SCUBE2: variants seen among roughly 807,000 people sequenced by gnomAD.
SCUBE2 encodes the protein signal peptide, CUB and EGF-like domain-containing protein 2.
In SCUBE2, 114 loss-of-function variants were observed where a neutral mutation model predicts 125.9. The ratio of observed to expected loss-of-function variants is 0.91; its 90% CI spans 0.78 to 1.06. The LOEUF (loss-of-function observed/expected upper bound fraction) is 1.06, where lower values mean the gene tolerates loss of function less well. Ranked by LOEUF, SCUBE2 falls within the 50% of genes least tolerant of loss-of-function variation. SCUBE2 has a pLI of 0.00. For synonymous variants in SCUBE2, 459 were observed against 492.9 expected (o/e 0.93, Z 0.91); for missense variants, 1,255 against 1,301.8 (o/e 0.96, Z 0.55).
At chr11:9,046,406 T>C (rs1722442069) in intron 16 of SCUBE2, among the ~76,000 whole-genome samples, 1 of 152,144 alleles carries the variant, frequency 6.6e-6, no homozygotes, top group African/African-American at 2.4e-5. Flanking sequence ...ATACCCATGG[T>C]AGTATTAGTG....
rs375449503 is a variant in SCUBE2 at position 9,091,332 on chromosome 11, G to T, written c.133+64C>A. The T allele has an allele frequency of 2.6e-5, 30 of 1,171,866 alleles. No individual in the cohort carries two copies. The highest frequency in any genetic ancestry group is 2.4e-4 in the East Asian group (7 of 29,060). 72.6% of individuals were successfully genotyped at this position (1,171,866 alleles called of 1,614,324 possible). A position where few individuals can be genotyped will look rare whatever the true frequency, so the allele number is the denominator to read the frequency against. ...GCGCCCGGCTCTGGACTCCGCCGGGGACCTAAACACTCTTCCTGGCCCTGC... is the reference window on the plus strand; with the variant it reads ...GCGCCCGGCTCTGGACTCCGCCGGGTACCTAAACACTCTTCCTGGCCCTGC... On this transcript the variant is annotated intron_variant, in intron 1 of 22. Coordinates refer to ENST00000649792, the MANE Select transcript of SCUBE2 (RefSeq NM_001367977.2). The surrounding 1 kb of genome is among the most constrained non-coding windows in gnomAD (Gnocchi z 8.5).
Position 9,053,074 on chromosome 11 carries a change from GCCCCGGGAACTGGGCC to G in SCUBE2, c.1447+9_1447+24del, listed in dbSNP as rs1858590526. On this transcript the variant is annotated intron_variant, in intron 12 of 22. Coordinates refer to ENST00000649792, the MANE Select transcript of SCUBE2 (RefSeq NM_001367977.2). ...AGGCCTGGCCCCAGTGTGAGGACCTGCCCCGGGAACTGGGCCCCACTCACCTGAAGAGAGGTGAATG... is the reference window on the plus strand; with the variant it reads ...AGGCCTGGCCCCAGTGTGAGGACCTGCCACTCACCTGAAGAGAGGTGAATG... 6.3e-7 allele frequency: 1 copy of G among 1,593,394 alleles called. No homozygotes were observed. The highest frequency in any genetic ancestry group is 1.7e-5 in the Admixed American group (1 of 59,948).
chr11:9,044,042 TATTC>T (rs1857479432), intron 16 of SCUBE2, among the ~76,000 whole-genome samples: 1 of 152,334 alleles, frequency 6.6e-6, no homozygotes, highest in African/African-American at 2.4e-5. Flanking sequence ...CAAAGAATGA[TATTC>T]ATTGAGCACT....
chr11:9,060,368 A>G (rs1433033331), intron 8 of SCUBE2, 40 bp downstream of exon 8: 21 of 1,511,338 alleles, frequency 1.4e-5, no homozygotes, highest in Non-Finnish European at 1.9e-5. Context: ...CCCTCCCTCC[A>G]TAACAGGGCA....
intron 17 of SCUBE2, chr11:9,031,132 A>G (rs551960490): frequency 2.0e-6 from 1 of 512,596 alleles, no homozygotes; most frequent in East Asian, 3.2e-5. Context: ...ACAGGGCTAC[A>G]CAGCACAGTG....
intron 16 of SCUBE2, among the ~76,000 whole-genome samples, chr11:9,045,040 C>T (rs10840162): frequency 0.13 from 19,092 of 152,146 alleles, 1,220 homozygotes; most frequent in Middle Eastern, 0.17. Context: ...AGTATCTTTC[C>T]TCGTTTATTG....
At position 9,021,860 on chromosome 11, in the gene SCUBE2, T is replaced by A; in HGVS notation, c.2934+16A>T. ...TCTGTGGATAACTGCCATGTCCACC[T>A]GAGCCAGGCACTCACCTTAAGTATT... On this transcript the variant is annotated intron_variant, in intron 22 of 22. Coordinates refer to ENST00000649792, the MANE Select transcript of SCUBE2 (RefSeq NM_001367977.2). 6.3e-7 allele frequency: 1 copy of A among 1,599,990 alleles called. No individual in the cohort carries two copies. The highest frequency in any genetic ancestry group is 2.2e-5 in the East Asian group (1 of 44,820).
At chr11:9,050,518 CT>C in intron 14 of SCUBE2, 87 bp downstream of exon 14, 1 of 990,728 alleles carries the variant, frequency 1.0e-6, no homozygotes, top group Non-Finnish European at 1.6e-6. Context: ...TGGACAGCCC[CT>C]GGCCCCCATG....
intron 2 of SCUBE2, among the ~76,000 whole-genome samples, chr11:9,087,294 G>A (rs1317235443): frequency 6.6e-6 from 1 of 152,212 alleles, no homozygotes; most frequent in East Asian, 1.9e-4. Flanking sequence ...AATAAAGTCA[G>A]TGGAATGGTT....
intron 16 of SCUBE2, among the ~76,000 whole-genome samples, chr11:9,038,870 T>TTTTTCTTTTCTTTTC (rs145817950): frequency 6.3e-4 from 96 of 151,286 alleles, no homozygotes; most frequent in African/African-American, 9.7e-4. Flanking sequence ...CTGATTTATG[T>TTTTTCTTTTCTTTTC]TTTTCTTTTC....
Position 9,053,175 on chromosome 11 carries a change from C to T in SCUBE2, c.1371G>A (p.Val457=). Residue 457 remains valine (V), a synonymous_variant, in exon 12 of 23, where the codon GTG becomes GTA. Coordinates refer to ENST00000649792, the MANE Select transcript of SCUBE2 (RefSeq NM_001367977.2). ...CACCACTCTTACCGCAGTGCAGGGA[C>T]ACACGGGGTGACACACTTGTGGGCA... The part of the protein sequence containing the change: ...GLLPTSVSPR[V]SLHCGKSGGG... 1 of 1,614,210 alleles carries T rather than the reference C, an allele frequency of 6.2e-7. No homozygotes were observed. The highest frequency in any genetic ancestry group is 8.5e-7 in the Non-Finnish European group (1 of 1,180,030).
In SCUBE2 at chr11:9,030,018, T is replaced by C; in HGVS notation, c.2369A>G (p.Asn790Ser). ...ACGAATACATCGGTGAGTGGTGGTG[T>C]TGTAGAAATGTCCAGGTGAACATTG... is the stretch of plus-strand genomic sequence containing the variant. ...RVQCSPGHFYNTTTHRCIRCP... is the reference protein window; with the variant it reads ...RVQCSPGHFYSTTTHRCIRCP... The change falls in exon 19 of 23, where the codon AAC becomes AGC. Residue 790 changes from asparagine to serine, a missense_variant. Asn to Ser is a conservative substitution (Grantham distance 46). This residue lies in a region of SCUBE2 where 515 missense variants were observed against 515.7 expected (regional missense o/e 1.00). Coordinates refer to ENST00000649792, the MANE Select transcript of SCUBE2 (RefSeq NM_001367977.2). 6.2e-7 allele frequency: 1 copy of C among 1,614,200 alleles called. No individual in the cohort carries two copies. The highest frequency in any genetic ancestry group is 8.5e-7 in the Non-Finnish European group (1 of 1,180,036).
intron 13 of SCUBE2, among the ~76,000 whole-genome samples, chr11:9,051,495 G>A (rs929927836): frequency 2.6e-5 from 4 of 152,170 alleles, no homozygotes; most frequent in Non-Finnish European, 5.9e-5. Context: ...AACATGGCTA[G>A]GCTCTGAGGT....
At chr11:9,086,663 G>A (rs188706862) in intron 2 of SCUBE2, among the ~76,000 whole-genome samples, 2,368 of 152,102 alleles carry the variant, frequency 0.016, 57 homozygotes, top group African/African-American at 0.054. Context: ...GACCAGCCTG[G>A]CCAACATGGT....
intron 3 of SCUBE2, among the ~76,000 whole-genome samples, chr11:9,076,708 C>T (rs1590142910): frequency 6.6e-6 from 1 of 152,320 alleles, no homozygotes; most frequent in South Asian, 2.1e-4. Context: ...TAAAACCTCA[C>T]ATTTAAATAT....
At chr11:9,071,391 C>A (rs946054756) in intron 4 of SCUBE2, among the ~76,000 whole-genome samples, 1 of 152,184 alleles carries the variant, frequency 6.6e-6, no homozygotes, top group Admixed American at 6.5e-5. Context: ...AATGTCCTAC[C>A]ACATCAAGCT....
Position 9,047,985 on chromosome 11 carries a change from T to C in SCUBE2, c.1753A>G (p.Thr585Ala). Residue 585 changes from threonine (T) to alanine (A), a missense_variant, in exon 15 of 23, where the codon ACT becomes GCT. Thr to Ala is a moderately conservative substitution (Grantham distance 58). Around this residue, in one of 3 missense-constraint regions of SCUBE2, gnomAD observed 378 missense variants for 463.1 expected, o/e 0.82. Transcript: ENST00000649792. ...TTAGTTTCAAGCTCAAACTCAACAG[T>C]GATAAACATTTCCTTAGGGGTGCTT... Reference protein sequence around the residue: ...RPSTPKEMFITVEFELETNQK... With the variant: ...RPSTPKEMFIAVEFELETNQK... The C allele has an allele frequency of 6.2e-7, 1 of 1,614,154 alleles. No individual in the cohort carries two copies. The highest frequency in any genetic ancestry group is 8.5e-7 in the Non-Finnish European group (1 of 1,180,008).
At chr11:9,034,781 G>C (rs1856614594) in intron 16 of SCUBE2, among the ~76,000 whole-genome samples, 1 of 152,022 alleles carries the variant, frequency 6.6e-6, no homozygotes, top group Non-Finnish European at 1.5e-5. Flanking sequence ...AGGAGTTCCA[G>C]ACCAGCCTGG....
chr11:9,073,509 A>G (rs1860977056), intron 4 of SCUBE2, among the ~76,000 whole-genome samples: 1 of 152,252 alleles, frequency 6.6e-6, no homozygotes, highest in African/African-American at 2.4e-5. Context: ...ATCTTCCATG[A>G]AGAAACCCTT....
Sources: gnomAD v4.1 joint callset for allele counts (sites outside exome capture counted in the v4.1 genomes callset) on GRCh38, gnomAD v4.1.1 for gene constraint, gnomAD v4.1.1 regional missense constraint, Gnocchi (gnomAD v3.1) non-coding constraint, MANE v1.5 for transcripts, NCBI Gene and HGNC (gene_info 2026-07-23, HGNC 2026-07-21) for gene names.